Variants in ZC3H12B observed in about 807,000 individuals in gnomAD.
ZC3H12B encodes the protein zinc finger CCCH-type containing 12B, also known as probable ribonuclease ZC3H12B.
In ZC3H12B, 7 loss-of-function variants were observed where a neutral mutation model predicts 43.9. The ratio of observed to expected loss-of-function variants is 0.16; its 90% CI spans 0.09 to 0.30. The LOEUF (loss-of-function observed/expected upper bound fraction) is 0.30. Ranked by LOEUF, ZC3H12B falls within the 10% of genes least tolerant of loss-of-function variation. The pLI is 1.00. For missense variants in ZC3H12B, 475 were observed against 670.2 expected (o/e 0.71, Z 3.22); for synonymous variants, 222 against 241.7 (o/e 0.92, Z 0.76).
the ZC3H12B span, among the ~76,000 whole-genome samples, chrX:65,209,564 T>C: frequency 3.8e-5 from 4 of 105,715 alleles, no homozygotes; most frequent in East Asian, 3.0e-4. Flanking sequence ...TAATTTCTGT[T>C]CTTTTACATT....
At chrX:65,474,400 G>GT (rs992209886) in intron 3 of ZC3H12B, among the ~76,000 whole-genome samples, 59 of 110,259 alleles carry the variant, frequency 5.4e-4, no homozygotes, top group African/African-American at 1.8e-3. Context: ...ACTAGATCCT[G>GT]TTTTTTTAAA....
chrX:65,187,323 G>A, the ZC3H12B span: 1 of 109,712 alleles, frequency 9.1e-6, no homozygotes, highest in African/African-American at 3.3e-5. Context: ...AGGTTCTATG[G>A]GTAAAAGGGT....
At chrX:65,107,074 A>G in the ZC3H12B span, among the ~76,000 whole-genome samples, 2 of 111,236 alleles carry the variant, frequency 1.8e-5, no homozygotes, top group South Asian at 7.6e-4. Flanking sequence ...AACTTAGTTG[A>G]TAGTTTAAAA....
chrX:65,231,380 G>A, the ZC3H12B span, among the ~76,000 whole-genome samples: 1 of 111,382 alleles, frequency 9.0e-6, no homozygotes, highest in Middle Eastern at 4.2e-3. Context: ...ACAGGAAACA[G>A]GGTTCGAGAG....
chrX:65,302,871 A>G, the ZC3H12B span, among the ~76,000 whole-genome samples: 2 of 112,222 alleles, frequency 1.8e-5, no homozygotes, highest in South Asian at 7.2e-4. Flanking sequence ...CAGTAAACTG[A>G]TCTTTGAAAA....
chrX:65,094,747 G>A, the ZC3H12B span, among the ~76,000 whole-genome samples: 1 of 111,793 alleles, frequency 8.9e-6, no homozygotes, highest in Admixed American at 9.5e-5. Context: ...TGTTGTAATT[G>A]TATTATATTT....
rs909868378 is a variant in ZC3H12B, at chrX:65,494,962, T to C, written c.609-2170T>C. The stretch of plus-strand genomic sequence containing the variant: ...CCCTTCAAATCCTCTCTAATGGCAA[T>C]TCTGATAATTTTCCCAAGTTCTGTT... On this transcript the variant is annotated intron_variant, in intron 1 of 4. Coordinates refer to ENST00000338957, the Ensembl canonical transcript of ZC3H12B. 5.4e-5 allele frequency among the ~76,000 whole-genome samples: 6 copies of C among 111,457 alleles called. No individual in the cohort carries two copies. The Admixed American group carries it at 5.8e-4, about 11-fold the overall frequency.
At chrX:65,088,405 C>T in the ZC3H12B span, among the ~76,000 whole-genome samples, 1 of 111,025 alleles carries the variant, frequency 9.0e-6, no homozygotes, top group Non-Finnish European at 1.9e-5. Context: ...AGAACATTTT[C>T]AGCAGTGGAT....
the ZC3H12B span, among the ~76,000 whole-genome samples, chrX:65,220,780 G>T: frequency 8.9e-6 from 1 of 111,769 alleles, no homozygotes; most frequent in Non-Finnish European, 1.9e-5. Flanking sequence ...ACTGATAGCA[G>T]TAGACAGGTT....
chrX:65,488,036 TA>T (rs1330215782), upstream of ZC3H12B, among the ~76,000 whole-genome samples: 1 of 111,085 alleles, frequency 9.0e-6, no homozygotes, highest in Non-Finnish European at 1.9e-5. Context: ...CATGCCCAGC[TA>T]AATTTTTGTA....
intron 3 of ZC3H12B, among the ~76,000 whole-genome samples, chrX:65,473,653 C>T (rs993989113): frequency 3.6e-5 from 4 of 112,121 alleles, no homozygotes; most frequent in African/African-American, 1.3e-4. Flanking sequence ...TTCTTCCTTT[C>T]TGACTGGGAT....
intron 3 of ZC3H12B, among the ~76,000 whole-genome samples, chrX:65,450,116 C>G (rs911787931): frequency 9.3e-6 from 1 of 107,648 alleles, no homozygotes; most frequent in African/African-American, 3.4e-5. Flanking sequence ...ACCAGCCTGG[C>G]CAAGATGGCG....
the ZC3H12B span, among the ~76,000 whole-genome samples, chrX:65,117,684 T>C: frequency 6.3e-4 from 71 of 112,122 alleles, no homozygotes; most frequent in African/African-American, 2.3e-3. Flanking sequence ...CTAGGGTTTT[T>C]ATGCTTTTAG....
At chrX:65,088,231 G>A in the ZC3H12B span, among the ~76,000 whole-genome samples, 2 of 111,597 alleles carry the variant, frequency 1.8e-5, no homozygotes, top group African/African-American at 6.5e-5. Context: ...ATCTATGATA[G>A]TACTCTCAAA....
the ZC3H12B span, among the ~76,000 whole-genome samples, chrX:65,281,549 A>T: frequency 8.9e-6 from 1 of 112,352 alleles, no homozygotes; most frequent in African/African-American, 3.2e-5. Flanking sequence ...GTCTTTGACA[A>T]ATGTTTCACA....
At chrX:65,249,041 T>C in the ZC3H12B span, among the ~76,000 whole-genome samples, 1 of 111,838 alleles carries the variant, frequency 8.9e-6, no homozygotes, top group East Asian at 2.8e-4. Context: ...TTCTGTTTAC[T>C]CTGCTGACTG....
the ZC3H12B span, among the ~76,000 whole-genome samples, chrX:65,223,618 G>A: frequency 8.9e-6 from 1 of 112,184 alleles, no homozygotes; most frequent in Non-Finnish European, 1.9e-5. Flanking sequence ...AAACAAATTA[G>A]CAAGAAGTAA....
At chrX:65,247,643 A>T in the ZC3H12B span, among the ~76,000 whole-genome samples, 1 of 112,555 alleles carries the variant, frequency 8.9e-6, no homozygotes, top group Non-Finnish European at 1.9e-5. Context: ...AGGGACAGAA[A>T]AGCAAACACT....
At chrX:65,174,553 C>T in the ZC3H12B span, among the ~76,000 whole-genome samples, 2 of 111,814 alleles carry the variant, frequency 1.8e-5, no homozygotes, top group Admixed American at 9.5e-5. Context: ...GGGCTGCTGC[C>T]TTTCTTTCAG....
Sources: gnomAD v4.1 joint callset for allele counts (sites outside exome capture counted in the v4.1 genomes callset) on GRCh38, gnomAD v4.1.1 for gene constraint, MANE v1.5 for transcripts, NCBI Gene and HGNC (gene_info 2026-07-23, HGNC 2026-07-21) for gene names.